Variants in SPOCK3 observed in about 807,000 individuals in gnomAD.
SPOCK3 encodes testican-3.
SPOCK3 carries 30 observed loss-of-function variants against 56.6 expected under a neutral mutation model. The ratio of observed to expected loss-of-function variants is 0.53; its 90% confidence interval spans 0.40 to 0.72. The LOEUF (loss-of-function observed/expected upper bound fraction) is 0.72. Among genes scored for constraint, SPOCK3 ranks in the 30% least tolerant of loss-of-function variants. SPOCK3 has a pLI of 0.00. For missense variants in SPOCK3, 527 were observed against 530.0 expected, an observed-to-expected ratio of 0.99 and a Z score of 0.06; for synonymous variants, 196 against 183.3, an observed-to-expected ratio of 1.07 and a Z score of -0.56.
intron 2 of SPOCK3, among the ~76,000 whole-genome samples, chr4:167,114,344 CTGA>C (rs1761156738): frequency 6.6e-6 from 1 of 152,070 alleles, no homozygotes; most frequent in Admixed American, 6.6e-5. Context: ...GAAAAAGATG[CTGA>C]TAAGCTAAGT....
At chr4:167,112,630 A>C (rs1377380880) in intron 2 of SPOCK3, among the ~76,000 whole-genome samples, 1 of 152,086 alleles carries the variant, frequency 6.6e-6, no homozygotes, top group Non-Finnish European at 1.5e-5. Flanking sequence ...CCTTTGTATT[A>C]CTGCTTTAAA....
intron 4 of SPOCK3, among the ~76,000 whole-genome samples, chr4:166,931,565 T>A (rs1739783901): frequency 6.6e-6 from 1 of 152,240 alleles, no homozygotes; most frequent in African/African-American, 2.4e-5. Flanking sequence ...TGCCTATGAC[T>A]AGAATACTCT....
intron 2 of SPOCK3, among the ~76,000 whole-genome samples, chr4:167,084,780 C>T (rs1207607509): frequency 1.3e-3 from 1 of 784 alleles, no homozygotes; most frequent in East Asian, 0.036. Context: ...TATTAATAAC[C>T]ATCAAGAATA....
intron 3 of SPOCK3, among the ~76,000 whole-genome samples, chr4:167,007,205 C>T (rs1402610569): frequency 6.6e-6 from 1 of 152,064 alleles, no homozygotes. Flanking sequence ...AGTATATATA[C>T]AGTCATCCTT....
At chr4:166,743,492 C>A (rs1579089003) in intron 8 of SPOCK3, among the ~76,000 whole-genome samples, 1 of 152,018 alleles carries the variant, frequency 6.6e-6, no homozygotes. Flanking sequence ...GAGAATCATT[C>A]CAAGATGGCC....
chr4:167,036,466 A>G (rs1308602380), intron 3 of SPOCK3, among the ~76,000 whole-genome samples: 1 of 152,236 alleles, frequency 6.6e-6, no homozygotes, highest in Non-Finnish European at 1.5e-5. Context: ...CGGGTGCAGA[A>G]GAAATACACA....
intron 2 of SPOCK3, among the ~76,000 whole-genome samples, chr4:167,076,527 T>C (rs1561191750): frequency 6.6e-6 from 1 of 151,884 alleles, no homozygotes; most frequent in Non-Finnish European, 1.5e-5. Flanking sequence ...ATAGCTAATA[T>C]TATATAGTTT....
At chr4:167,174,060 G>A (rs1730743042) in intron 2 of SPOCK3, among the ~76,000 whole-genome samples, 2 of 152,048 alleles carry the variant, frequency 1.3e-5, no homozygotes, top group African/African-American at 4.8e-5. Context: ...GGTTACCATT[G>A]TTTTTTAATA....
chr4:167,035,302 T>C (rs1752640177), intron 3 of SPOCK3, among the ~76,000 whole-genome samples: 1 of 152,040 alleles, frequency 6.6e-6, no homozygotes, highest in South Asian at 2.1e-4. Context: ...ATTATTTCTA[T>C]ATGATTACCA....
At chr4:167,208,277 T>C (rs952758869) in intron 2 of SPOCK3, among the ~76,000 whole-genome samples, 1 of 152,144 alleles carries the variant, frequency 6.6e-6, no homozygotes, top group Non-Finnish European at 1.5e-5. Flanking sequence ...AATGGTATAA[T>C]AACAACAACA....
At chr4:166,843,130 G>A (rs969168058) in intron 6 of SPOCK3, among the ~76,000 whole-genome samples, 13 of 152,164 alleles carry the variant, frequency 8.5e-5, no homozygotes, top group Admixed American at 1.3e-4. Flanking sequence ...CGCCAAGCCC[G>A]TGCCCACCCA....
chr4:166,990,809 CATT>C (rs1747703969), intron 4 of SPOCK3, among the ~76,000 whole-genome samples: 1 of 151,856 alleles, frequency 6.6e-6, no homozygotes, highest in Non-Finnish European at 1.5e-5. Flanking sequence ...CTGGAAATCA[CATT>C]ATTAATAATG....
intron 3 of SPOCK3, among the ~76,000 whole-genome samples, chr4:167,056,388 T>G (rs550492905): frequency 6.6e-6 from 1 of 152,228 alleles, no homozygotes; most frequent in Admixed American, 6.5e-5. Flanking sequence ...CCTCTTCTCC[T>G]CCAAAGGAAC....
intron 3 of SPOCK3, among the ~76,000 whole-genome samples, chr4:167,060,589 G>A (rs1416591550): frequency 6.6e-6 from 1 of 151,952 alleles, no homozygotes; most frequent in Non-Finnish European, 1.5e-5. Flanking sequence ...AACTATATAT[G>A]TTCAAGAAAT....
intron 3 of SPOCK3, among the ~76,000 whole-genome samples, chr4:167,007,925 AATTTT>A (rs1218692572): frequency 6.6e-6 from 1 of 152,060 alleles, no homozygotes; most frequent in African/African-American, 2.4e-5. Flanking sequence ...TCTATTTCAA[AATTTT>A]ATTTTGTTTC....
intron 6 of SPOCK3, among the ~76,000 whole-genome samples, chr4:166,842,175 G>A (rs1747481925): frequency 6.6e-6 from 1 of 152,218 alleles, no homozygotes; most frequent in South Asian, 2.1e-4. Context: ...AGAGTGAGCA[G>A]CAGCAAGATT....
chr4:167,085,292 T>G (rs1032198417), intron 2 of SPOCK3, among the ~76,000 whole-genome samples: 1 of 151,020 alleles, frequency 6.6e-6, no homozygotes, highest in South Asian at 2.1e-4. Flanking sequence ...GAAAAAAAAA[T>G]GCCCAAACAG....
In SPOCK3 at chr4:167,119,410, C is replaced by T. The variant is rs1190458311; in HGVS notation, c.190-56873G>A. Among the ~76,000 whole-genome samples the T allele has an allele frequency of 2.0e-5, 3 of 152,038 alleles. No homozygotes were observed. The East Asian group carries it at 5.8e-4, about 29-fold the overall frequency. ...GAGCAGATGTTTTAGGATTTGACATCCCCAAGTCTTATAAAGAAATCTTTT... is the reference window on the plus strand; with the variant it reads ...GAGCAGATGTTTTAGGATTTGACATTCCCAAGTCTTATAAAGAAATCTTTT... On this transcript the variant is annotated intron_variant, in intron 2 of 10. Coordinates refer to ENST00000357545, the MANE Select transcript of SPOCK3 (RefSeq NM_001040159.2).
intron 2 of SPOCK3, among the ~76,000 whole-genome samples, chr4:167,206,688 ACT>A (rs747033002): frequency 4.6e-5 from 7 of 152,004 alleles, no homozygotes; most frequent in African/African-American, 1.2e-4. Flanking sequence ...CCATCTTAAG[ACT>A]CAAGTAATTC....
Sources: allele counts gnomAD v4.1 joint callset (sites outside exome capture counted in the v4.1 genomes callset), GRCh38; gene constraint gnomAD v4.1.1; transcripts MANE v1.5; gene names NCBI Gene and HGNC (gene_info 2026-07-23, HGNC 2026-07-21).